KCNN3: variants seen among roughly 807,000 people sequenced by gnomAD.
KCNN3 encodes small conductance calcium-activated potassium channel protein 3.
A neutral mutation model predicts 62.9 loss-of-function variants in KCNN3; 16 were observed. The observed-to-expected ratio is 0.25, with a 90% confidence interval of 0.17 to 0.39. KCNN3 has a LOEUF of 0.39. Among genes scored for constraint, KCNN3 ranks in the 10% least tolerant of loss-of-function variants. KCNN3 has a pLI of 1.00. For synonymous variants in KCNN3, 370 were observed against 389.2 expected, an observed-to-expected ratio of 0.95 and a Z score of 0.58; for missense variants, 599 against 949.4, an observed-to-expected ratio of 0.63 and a Z score of 4.85.
chr1:154,767,769 A>T (rs1299943125), intron 3 of KCNN3, among the ~76,000 whole-genome samples: 1 of 152,248 alleles, frequency 6.6e-6, no homozygotes, highest in Non-Finnish European at 1.5e-5. Context: ...TCTGGGGGCC[A>T]AGGAAAACAA....
At chr1:154,743,166 A>C (rs1700862338) in intron 3 of KCNN3, among the ~76,000 whole-genome samples, 1 of 143,800 alleles carries the variant, frequency 7.0e-6, no homozygotes, top group Non-Finnish European at 1.5e-5. Flanking sequence ...CCATCCTCTC[A>C]CCTGGACCAG....
At chr1:154,768,402 CG>C (rs1291568997) in intron 3 of KCNN3, among the ~76,000 whole-genome samples, 2 of 152,200 alleles carry the variant, frequency 1.3e-5, no homozygotes, top group Admixed American at 6.5e-5. Context: ...AATATATTAA[CG>C]GGGCAGATTC....
At chr1:154,735,386 G>A (rs542978322) in intron 3 of KCNN3, among the ~76,000 whole-genome samples, 2 of 152,298 alleles carry the variant, frequency 1.3e-5, no homozygotes, top group Admixed American at 1.3e-4. Flanking sequence ...TCTGCACAAG[G>A]ACATGGGTGT....
chr1:154,844,113 C>T (rs1651946298), intron 1 of KCNN3, among the ~76,000 whole-genome samples: 1 of 152,240 alleles, frequency 6.6e-6, no homozygotes, highest in Non-Finnish European at 1.5e-5. Flanking sequence ...TCCCCCGTTA[C>T]ACACAGATCT....
At chr1:154,827,270 G>A (rs1237583146) in intron 1 of KCNN3, among the ~76,000 whole-genome samples, 2 of 152,166 alleles carry the variant, frequency 1.3e-5, no homozygotes, top group East Asian at 3.9e-4. Flanking sequence ...AGATACTCTT[G>A]CTAATTAATG....
intron 2 of KCNN3, among the ~76,000 whole-genome samples, chr1:154,791,655 C>T (rs983070859): frequency 6.6e-6 from 1 of 152,086 alleles, no homozygotes; most frequent in Non-Finnish European, 1.5e-5. Flanking sequence ...AACGAAAGGC[C>T]CCGATGTTAA....
At chr1:154,765,975 G>A (rs1423388290) in intron 3 of KCNN3, among the ~76,000 whole-genome samples, 2 of 151,784 alleles carry the variant, frequency 1.3e-5, no homozygotes, top group African/African-American at 4.8e-5. Context: ...GTTGCTTTTT[G>A]TTTTTCATAA....
chr1:154,714,816 T>C, intron 6 of KCNN3, 60 bp downstream of exon 6: 1 of 1,607,112 alleles, frequency 6.2e-7, no homozygotes, highest in Non-Finnish European at 8.5e-7. Context: ...GACAGAGTTG[T>C]AGGAGTCCCG....
At chr1:154,776,573 C>T (rs1398279923) in intron 2 of KCNN3, among the ~76,000 whole-genome samples, 4 of 152,268 alleles carry the variant, frequency 2.6e-5, no homozygotes, top group African/African-American at 9.6e-5. Flanking sequence ...ACACTCTATG[C>T]TTCCTTCCTT....
chr1:154,775,511 G>GTTCATTCA (rs1157558361), intron 2 of KCNN3, among the ~76,000 whole-genome samples: 3 of 152,074 alleles, frequency 2.0e-5, no homozygotes, highest in Non-Finnish European at 2.9e-5. Context: ...AGGATCATTT[G>GTTCATTCA]TTCATTCATT....
intron 7 of KCNN3, among the ~76,000 whole-genome samples, chr1:154,710,037 C>A (rs1384757379): frequency 6.6e-6 from 1 of 152,198 alleles, no homozygotes; most frequent in Non-Finnish European, 1.5e-5. Context: ...TCATCTTATT[C>A]GATCACCTGA....
Position 154,698,267 on chromosome 1 carries a change from C to T in KCNN3, c.*9709G>A, listed in dbSNP as rs143435435. 2.9e-3 allele frequency: 447 copies of T among 152,262 alleles called. 4 individuals are homozygous for T. The highest frequency in any genetic ancestry group is 0.01 in the African/African-American group (422 of 41,528). The allele number at this position is 152,262 out of a possible 1,614,324, so 9.4% of individuals were successfully genotyped here. ...GAAAGTAAGGGTACAGGGTTTTCAA[C>T]TTGGGGAAATTCATTTCCCATCCCC... On this transcript the variant is annotated 3_prime_UTR_variant, in exon 8 of 8. Coordinates refer to ENST00000271915, the MANE Select transcript of KCNN3 (RefSeq NM_002249.6).
At chr1:154,710,589 G>T (rs573753133) in intron 7 of KCNN3, among the ~76,000 whole-genome samples, 3 of 152,178 alleles carry the variant, frequency 2.0e-5, no homozygotes, top group Non-Finnish European at 4.4e-5. Context: ...CGCTTCACCC[G>T]GTCTGCTCCG....
Position 154,702,735 on chromosome 1 carries a change from ATATATATATAT to A in KCNN3, c.*5230_*5240del, listed in dbSNP as rs1247274665. 1 of 118,966 alleles carries A rather than the reference ATATATATATAT, an allele frequency of 8.4e-6. No individual in the cohort carries two copies. The highest frequency in any genetic ancestry group is 1.7e-5 in the Non-Finnish European group (1 of 59,072). 7.4% of individuals were successfully genotyped at this position (118,966 alleles called of 1,614,324 possible). A position where few individuals can be genotyped will look rare whatever the true frequency, so the allele number is the denominator to read the frequency against. On this transcript the variant is annotated 3_prime_UTR_variant, in exon 8 of 8. Transcript: ENST00000271915. ...TATATATATATATATATATATATAT[ATATATATATAT>A]ATGTACTTTTTCTTTTTGGCTATAA... is the stretch of plus-strand genomic sequence containing the variant.
intron 3 of KCNN3, among the ~76,000 whole-genome samples, chr1:154,766,496 C>A (rs1418321125): frequency 2.2e-5 from 3 of 134,980 alleles, no homozygotes; most frequent in Admixed American, 1.6e-4. Context: ...TGTGCGTGTG[C>A]CCCACATTGG....
chr1:154,819,491 C>A (rs1650804194), intron 2 of KCNN3, among the ~76,000 whole-genome samples: 1 of 152,150 alleles, frequency 6.6e-6, no homozygotes, highest in Non-Finnish European at 1.5e-5. Context: ...GAAAGACACC[C>A]AACAGAAAAC....
intron 1 of KCNN3, among the ~76,000 whole-genome samples, chr1:154,824,370 C>T (rs913439049): frequency 1.1e-4 from 17 of 152,224 alleles, no homozygotes; most frequent in African/African-American, 4.1e-4. Flanking sequence ...CCAACATAAG[C>T]ACAGAGAAGG....
chr1:154,699,640 G>A lies in KCNN3; in HGVS notation c.*8336C>T, dbSNP rs1699809707. 6.6e-6 allele frequency: 1 copy of A among 152,194 alleles called. No individual in the cohort carries two copies. Among genetic ancestry groups the A allele is most frequent in the Non-Finnish European group, 1.5e-5 (1 of 68,044 alleles). 9.4% of individuals were successfully genotyped at this position (152,194 alleles called of 1,614,324 possible). A position where few individuals can be genotyped will look rare whatever the true frequency, so the allele number is the denominator to read the frequency against. On this transcript the variant is annotated 3_prime_UTR_variant, in exon 8 of 8. Transcript: ENST00000271915. The stretch of plus-strand genomic sequence containing the variant: ...TTGGAGTGTTTCTTGTTGGTGCAAT[G>A]AGTAAGAGAATTGGCTTTCAAGGAG...
chr1:154,754,917 G>C (rs2101818035), intron 3 of KCNN3, among the ~76,000 whole-genome samples: 1 of 152,286 alleles, frequency 6.6e-6, no homozygotes, highest in South Asian at 2.1e-4. Flanking sequence ...GGGGCAACAT[G>C]ATGAGTTTGA....
Sources: allele counts gnomAD v4.1 joint callset (sites outside exome capture counted in the v4.1 genomes callset), GRCh38; gene constraint gnomAD v4.1.1; transcripts MANE v1.5; gene names NCBI Gene and HGNC (gene_info 2026-07-23, HGNC 2026-07-21).